The following PRPH2 variants were observed in gnomAD, a reference collection of about 807,000 sequenced individuals.
PRPH2 encodes peripherin-2.
A neutral mutation model predicts 31.3 loss-of-function variants in PRPH2; 17 were observed. The ratio of observed to expected loss-of-function variants is 0.54; its 90% confidence interval spans 0.37 to 0.81. PRPH2 has a LOEUF of 0.81. Ranked by LOEUF, PRPH2 falls within the 40% of genes least tolerant of loss-of-function variation. The pLI, the probability that PRPH2 is intolerant of heterozygous loss-of-function variation, is 0.00. For synonymous variants in PRPH2, 165 were observed against 184.4 expected (o/e 0.89, Z 0.85); for missense variants, 430 against 439.7 (o/e 0.98, Z 0.20).
intron 1 of PRPH2, among the ~76,000 whole-genome samples, chr6:42,715,716 A>C (rs1761764792): frequency 6.6e-6 from 1 of 152,154 alleles, no homozygotes; most frequent in African/African-American, 2.4e-5. Flanking sequence ...AAATTCCCAT[A>C]AAAATATGGA....
At chr6:42,711,705 C>T (rs540920336) in intron 1 of PRPH2, 216 of 956,596 alleles carry the variant, frequency 2.3e-4, no homozygotes, top group Admixed American at 1.8e-3. Flanking sequence ...GAGTCAAGTT[C>T]TAATCTTCTC....
At chr6:42,719,167 C>CTTTTTTTT (rs10594241) in intron 1 of PRPH2, among the ~76,000 whole-genome samples, 1 of 144,910 alleles carries the variant, frequency 6.9e-6, no homozygotes. Flanking sequence ...AGTGGACTTC[C>CTTTTTTTT]TTTTTTTTTT....
At position 42,697,086 on chromosome 6, in the gene PRPH2, A is replaced by G. The variant is rs1432582596; in HGVS notation, c.*1209T>C. 2.6e-5 allele frequency: 4 copies of G among 152,002 alleles called. No homozygotes were observed. Among genetic ancestry groups the G allele is most frequent in the Admixed American group, 2.6e-4 (4 of 15,246 alleles). The allele number at this position is 152,002 out of a possible 1,614,324, so 9.4% of individuals were successfully genotyped here. A position where few individuals can be genotyped will look rare whatever the true frequency, so the allele number is the denominator to read the frequency against. On this transcript the variant is annotated 3_prime_UTR_variant, in exon 3 of 3. Transcript: ENST00000230381. ...ACGAGCTCTCTTGAATGTTCATCCA[A>G]CTGGAGGAATTATGCTGGGCCCTGC... is the stretch of plus-strand genomic sequence containing the variant.
At chr6:42,715,793 T>C (rs1363405610) in intron 1 of PRPH2, among the ~76,000 whole-genome samples, 1 of 152,210 alleles carries the variant, frequency 6.6e-6, no homozygotes, top group Non-Finnish European at 1.5e-5. Flanking sequence ...ATCTTAAAGA[T>C]TCCCCTGAGA....
chr6:42,711,882 A>C (rs1158621203), intron 1 of PRPH2: 7 of 985,084 alleles, frequency 7.1e-6, no homozygotes, highest in Non-Finnish European at 8.4e-6. Context: ...AAAATGTCTG[A>C]GCTCCCGCAT....
At chr6:42,711,449 G>A (rs1383514999) in intron 1 of PRPH2, among the ~76,000 whole-genome samples, 1 of 151,798 alleles carries the variant, frequency 6.6e-6, no homozygotes, top group African/African-American at 2.4e-5. Context: ...GTCTGAGGGG[G>A]GAATGCAGCC....
chr6:42,704,572 G>T lies in PRPH2; in HGVS notation c.621C>A (p.Asp207Glu). 1 of 1,614,170 alleles carries T rather than the reference G, an allele frequency of 6.2e-7. No individual in the cohort carries two copies. Among genetic ancestry groups the T allele is most frequent in the Non-Finnish European group, 8.5e-7 (1 of 1,180,026 alleles). ...GATTGCAGCAGCTGAAAGGGACGCC[G>T]TCCACCAGGTACCGCCCATCCACGT... ...KSNVDGRYLVDGVPFSCCNPS... is the reference protein window; with the variant it reads ...KSNVDGRYLVEGVPFSCCNPS... The change falls in exon 2 of 3, where the codon GAC (aspartate) becomes GAA (glutamate). Residue 207 changes from aspartate (D) to glutamate (E), a missense_variant. Physicochemically the swap from Asp to Glu is conservative, Grantham distance 45 (BLOSUM62 2). Coordinates refer to ENST00000230381, the MANE Select transcript of PRPH2 (RefSeq NM_000322.5).
intron 1 of PRPH2, among the ~76,000 whole-genome samples, chr6:42,714,831 T>C (rs978720496): frequency 1.3e-5 from 2 of 152,170 alleles, no homozygotes; most frequent in Admixed American, 6.5e-5. Flanking sequence ...GCTGATTTTC[T>C]TTTTTTGTCT....
intron 1 of PRPH2, among the ~76,000 whole-genome samples, chr6:42,705,136 C>T (rs1486202691): frequency 6.6e-6 from 1 of 152,174 alleles, no homozygotes; most frequent in Non-Finnish European, 1.5e-5. Context: ...TCCTTGCCCT[C>T]GGAGGACTCC....
At chr6:42,709,685 G>A (rs986102967) in intron 1 of PRPH2, among the ~76,000 whole-genome samples, 4 of 152,148 alleles carry the variant, frequency 2.6e-5, no homozygotes, top group East Asian at 1.9e-4. Context: ...GATGGGAGCC[G>A]TTGATGGACG....
chr6:42,719,849 G>C (rs1761865099), intron 1 of PRPH2, among the ~76,000 whole-genome samples: 1 of 152,106 alleles, frequency 6.6e-6, no homozygotes, highest in African/African-American at 2.4e-5. Flanking sequence ...GATTACAGGT[G>C]TGAGCTACCG....
intron 1 of PRPH2, among the ~76,000 whole-genome samples, chr6:42,719,051 GAC>G (rs1761843721): frequency 6.6e-6 from 1 of 152,164 alleles, no homozygotes; most frequent in Non-Finnish European, 1.5e-5. Flanking sequence ...GGAAATAAAA[GAC>G]AGAGACAGAG....
rs1799972651 is a variant in PRPH2, at chr6:42,697,808, A to AT, written c.*486dup. ...AAACGGCCAACCTGTCAATCTTGGC[A>AT]TTAAAAAAAAAAAAAAAAGACAACA... On this transcript the variant is annotated 3_prime_UTR_variant, in exon 3 of 3. Coordinates refer to ENST00000230381, the MANE Select transcript of PRPH2 (RefSeq NM_000322.5). The AT allele has an allele frequency of 1.3e-5, 1 of 79,492 alleles. No homozygotes were observed. The highest frequency in any genetic ancestry group is 2.9e-5 in the Non-Finnish European group (1 of 34,996). The allele number at this position is 79,492 out of a possible 1,614,324, so 4.9% of individuals were successfully genotyped here.
At chr6:42,707,536 C>A (rs1370070878) in intron 1 of PRPH2, among the ~76,000 whole-genome samples, 2 of 152,154 alleles carry the variant, frequency 1.3e-5, no homozygotes, top group Non-Finnish European at 2.9e-5. Flanking sequence ...GAGAACCTGT[C>A]CTCCACAGCC....
chr6:42,716,664 A>G (rs1320049556), intron 1 of PRPH2, among the ~76,000 whole-genome samples: 2 of 130,882 alleles, frequency 1.5e-5, no homozygotes, highest in African/African-American at 5.8e-5. Context: ...CTTGTTGCCC[A>G]GGCTGTAGTA....
intron 1 of PRPH2, 135 bp downstream of exon 1, chr6:42,721,619 C>T (rs565782094): frequency 8.9e-6 from 9 of 1,016,636 alleles, no homozygotes; most frequent in African/African-American, 7.9e-5. Context: ...TACACCCTCA[C>T]ATACGCAGCA....
At chr6:42,713,264 T>C (rs1761709338) in intron 1 of PRPH2, among the ~76,000 whole-genome samples, 1 of 151,216 alleles carries the variant, frequency 6.6e-6, no homozygotes, top group East Asian at 1.9e-4. Context: ...TCTCTTTCAC[T>C]GATACCTTGC....
intron 1 of PRPH2, among the ~76,000 whole-genome samples, chr6:42,721,047 T>C (rs1416604848): frequency 6.6e-6 from 1 of 152,220 alleles, no homozygotes; most frequent in East Asian, 1.9e-4. Flanking sequence ...CCAGCAAGCA[T>C]TTAATGAGTA....
At chr6:42,716,810 G>A (rs1275396587) in intron 1 of PRPH2, among the ~76,000 whole-genome samples, 2 of 150,750 alleles carry the variant, frequency 1.3e-5, no homozygotes, top group South Asian at 4.2e-4. Flanking sequence ...AGTAGAGACA[G>A]AGTTTCACCA....
Sources: allele counts gnomAD v4.1 joint callset (sites outside exome capture counted in the v4.1 genomes callset), GRCh38; gene constraint gnomAD v4.1.1; transcripts MANE v1.5; gene names NCBI Gene and HGNC (gene_info 2026-07-23, HGNC 2026-07-21).